CNTN5: variants seen among roughly 807,000 people sequenced by gnomAD.
CNTN5 encodes the protein contactin-5.
In CNTN5, 77 loss-of-function variants were observed where a neutral mutation model predicts 129.1. The ratio of observed to expected loss-of-function variants is 0.60; its 90% CI spans 0.50 to 0.72. The LOEUF (loss-of-function observed/expected upper bound fraction) is 0.72. Among genes scored for constraint, CNTN5 ranks in the 30% least tolerant of loss-of-function variants. CNTN5 has a pLI of 0.00. For synonymous variants in CNTN5, 509 were observed against 465.6 expected, an observed-to-expected ratio of 1.09 and a Z score of -1.20; for missense variants, 1,478 against 1,328.8, an observed-to-expected ratio of 1.11 and a Z score of -1.75.
rs142111664 is a variant in CNTN5, at chr11:99,176,565, T to A, written c.-209-148781T>A. Among the ~76,000 whole-genome samples the A allele has an allele frequency of 5.7e-3, 867 of 152,316 alleles. 6 individuals are homozygous for A. The highest frequency in any genetic ancestry group is 9.5e-3 in the Non-Finnish European group (648 of 68,014). ...TTTCTGTAAATGGCAACTCCACATGTCCAGTTGAGAGTTGTGCAAGCCAAA... is the reference window on the plus strand; with the variant it reads ...TTTCTGTAAATGGCAACTCCACATGACCAGTTGAGAGTTGTGCAAGCCAAA... On this transcript the variant is annotated intron_variant, in intron 1 of 24. Transcript: ENST00000524871.
chr11:99,219,740 A>G (rs574781503), intron 1 of CNTN5, among the ~76,000 whole-genome samples: 25 of 151,922 alleles, frequency 1.6e-4, no homozygotes, highest in Admixed American at 9.9e-4. Context: ...GAATTTCACT[A>G]GCCATAATGT....
chr11:99,602,376 T>C (rs1029014813), intron 3 of CNTN5, among the ~76,000 whole-genome samples: 4 of 152,100 alleles, frequency 2.6e-5, no homozygotes, highest in African/African-American at 9.7e-5. Flanking sequence ...TCAGAGGAGA[T>C]ATTAAAGAGG....
At chr11:99,200,580 C>T (rs891014220) in intron 1 of CNTN5, among the ~76,000 whole-genome samples, 4 of 152,156 alleles carry the variant, frequency 2.6e-5, no homozygotes, top group Non-Finnish European at 2.9e-5. Flanking sequence ...GCAACTTGCC[C>T]ACTGTATAGC....
chr11:99,028,306 T>G (rs144075415), intron 1 of CNTN5, among the ~76,000 whole-genome samples: 45 of 151,984 alleles, frequency 3.0e-4, no homozygotes, highest in Admixed American at 3.3e-4. Flanking sequence ...CTCACATAAA[T>G]GGTCTACTGT....
rs1191127157 is a variant in CNTN5, at chr11:99,247,620, T to C, written c.-209-77726T>C. Reference sequence around the variant, plus strand: ...ATGCTATCCCTCCCCCTTTCCCCCATCCCACAACAGGCCCTGGTGTGTGAT... The same window carrying C: ...ATGCTATCCCTCCCCCTTTCCCCCACCCCACAACAGGCCCTGGTGTGTGAT... On this transcript the variant is annotated intron_variant, in intron 1 of 24. Transcript: ENST00000524871. Among the ~76,000 whole-genome samples, 7 of 151,648 alleles carry C rather than the reference T, an allele frequency of 4.6e-5. No individual in the cohort carries two copies. The South Asian group carries it at 1.2e-3, about 27-fold the overall frequency.
chr11:99,475,352 T>G (rs1374618416), intron 2 of CNTN5, among the ~76,000 whole-genome samples: 1 of 152,168 alleles, frequency 6.6e-6, no homozygotes, highest in Admixed American at 6.5e-5. Flanking sequence ...CCTCTAGAAC[T>G]GTACAAAATA....
intron 15 of CNTN5, 110 bp from the exon 16 acceptor site, chr11:100,224,582 T>C: frequency 2.0e-6 from 2 of 1,025,100 alleles, no homozygotes; most frequent in South Asian, 2.0e-5. Flanking sequence ...TTAGATAAAC[T>C]GTAAGGCCAA....
At chr11:100,020,487 A>T (rs905843888) in intron 9 of CNTN5, among the ~76,000 whole-genome samples, 2 of 152,042 alleles carry the variant, frequency 1.3e-5, no homozygotes, top group Admixed American at 1.3e-4. Context: ...CCATATGCCT[A>T]TATGTCTGTT....
At chr11:100,310,593 A>G (rs982938409) in intron 21 of CNTN5, among the ~76,000 whole-genome samples, 4 of 151,990 alleles carry the variant, frequency 2.6e-5, no homozygotes, top group Admixed American at 2.6e-4. Flanking sequence ...TAGGGAAGGC[A>G]CACAATCAAC....
chr11:99,025,993 G>T (rs1180752309), intron 1 of CNTN5, among the ~76,000 whole-genome samples: 1 of 151,580 alleles, frequency 6.6e-6, no homozygotes, highest in Non-Finnish European at 1.5e-5. Context: ...TGCAATATTT[G>T]TTGAGATACT....
At chr11:100,340,362 G>T in intron 21 of CNTN5, 101 bp from the exon 22 acceptor site, 1 of 771,790 alleles carries the variant, frequency 1.3e-6, no homozygotes, top group East Asian at 2.7e-5. Flanking sequence ...TTCTTCCTAT[G>T]GGTGGACTCC....
intron 9 of CNTN5, among the ~76,000 whole-genome samples, chr11:100,029,227 G>T (rs1211178846): frequency 1.3e-5 from 2 of 152,026 alleles, no homozygotes; most frequent in African/African-American, 4.8e-5. Flanking sequence ...AATATCAACT[G>T]AAATATTCTC....
intron 3 of CNTN5, among the ~76,000 whole-genome samples, chr11:99,626,801 T>C (rs1271641713): frequency 6.6e-6 from 1 of 152,092 alleles, no homozygotes; most frequent in African/African-American, 2.4e-5. Context: ...AGTGAAACGA[T>C]ACTCAAGGTG....
intron 1 of CNTN5, among the ~76,000 whole-genome samples, chr11:99,251,330 A>G (rs1241168669): frequency 6.6e-6 from 1 of 151,998 alleles, no homozygotes; most frequent in African/African-American, 2.4e-5. Context: ...AACATAAGAT[A>G]ATGCCTCCAG....
At chr11:99,394,077 T>C (rs1202695059) in intron 2 of CNTN5, among the ~76,000 whole-genome samples, 3 of 151,844 alleles carry the variant, frequency 2.0e-5, no homozygotes, top group South Asian at 2.1e-4. Flanking sequence ...TTTGCCAATA[T>C]GTGAAGTACC....
chr11:99,893,636 G>GA (rs1283505810), intron 6 of CNTN5, among the ~76,000 whole-genome samples: 3 of 151,576 alleles, frequency 2.0e-5, no homozygotes, highest in Non-Finnish European at 4.4e-5. Flanking sequence ...TGTGGGCAAA[G>GA]AAAAAAAATC....
intron 17 of CNTN5, among the ~76,000 whole-genome samples, chr11:100,261,943 A>C (rs539460127): frequency 7.2e-4 from 110 of 152,256 alleles, no homozygotes; most frequent in African/African-American, 1.9e-3. Context: ...CCAAAATTGG[A>C]AAATGGGATC....
chr11:99,731,302 G>A (rs1288735470), intron 3 of CNTN5, among the ~76,000 whole-genome samples: 2 of 151,684 alleles, frequency 1.3e-5, no homozygotes, highest in African/African-American at 2.4e-5. Context: ...TAGTAGAGAC[G>A]GGGTTTCACT....
Position 100,061,298 on chromosome 11 carries a change from T to C in CNTN5, c.1067T>C (p.Ile356Thr). 1 of 1,613,700 alleles carries C rather than the reference T, an allele frequency of 6.2e-7. No individual in the cohort carries two copies. Among genetic ancestry groups the C allele is most frequent in the Non-Finnish European group, 8.5e-7 (1 of 1,179,652 alleles). ...RLRKSQAVLE[I>T]PNVQLDDAGI... The stretch of plus-strand genomic sequence containing the variant: ...CGGAAATCTCAGGCGGTGCTGGAAA[T>C]ACCGAATGTACAGCTGGATGATGCA... Residue 356 changes from isoleucine to threonine, a missense_variant, in exon 10 of 25, where the codon ATA becomes ACA. By Grantham distance (89) the Ile-to-Thr change is moderately conservative (BLOSUM62 -1). Transcript: ENST00000524871.
Sources: gnomAD v4.1 joint callset for allele counts (sites outside exome capture counted in the v4.1 genomes callset) on GRCh38, gnomAD v4.1.1 for gene constraint, MANE v1.5 for transcripts, NCBI Gene and HGNC (gene_info 2026-07-23, HGNC 2026-07-21) for gene names.